CDH2: variants seen among roughly 807,000 people sequenced by gnomAD.
CDH2 encodes cadherin-2.
Under a neutral mutation model 92.0 loss-of-function variants are expected in CDH2, and 17 were observed. The ratio of observed to expected loss-of-function variants is 0.18; its 90% confidence interval spans 0.13 to 0.28. The LOEUF is 0.28. CDH2 is among the 10% of genes least tolerant of loss of function. The pLI is 1.00. For synonymous variants in CDH2, 419 were observed against 415.9 expected, an observed-to-expected ratio of 1.01 and a Z score of -0.09; for missense variants, 862 against 1,133.1, an observed-to-expected ratio of 0.76 and a Z score of 3.44.
chr18:28,149,022 A>C (rs1269706769), intron 1 of CDH2, among the ~76,000 whole-genome samples: 1 of 152,210 alleles, frequency 6.6e-6, no homozygotes, highest in East Asian at 1.9e-4. Flanking sequence ...TCGAATGAGT[A>C]AGCAGTTTTA....
Position 27,942,814 on chromosome 18 carries a change from G to T in CDH2, c.1152-9690C>A, listed in dbSNP as rs145200907. ...GGTAGGTAGGTCTTGTTTTGTGTAT[G>T]AACGAGATTGTCCATAGTGGCTGTG... On this transcript the variant is annotated intron_variant, in intron 6 of 6. Coordinates refer to the CDH2 transcript ENST00000675173. Among the ~76,000 whole-genome samples, 279 of 152,294 alleles carry T rather than the reference G, an allele frequency of 1.8e-3. 3 individuals are homozygous for T. Among genetic ancestry groups the T allele is most frequent in the African/African-American group, 6.2e-3 (257 of 41,554 alleles).
At chr18:28,024,888 A>C (rs2013508954) in intron 2 of CDH2, among the ~76,000 whole-genome samples, 1 of 152,136 alleles carries the variant, frequency 6.6e-6, no homozygotes. Flanking sequence ...AGAAAGAGTA[A>C]AAAGAAAAAG....
At chr18:28,110,739 C>T (rs1462546441) in intron 2 of CDH2, among the ~76,000 whole-genome samples, 1 of 152,044 alleles carries the variant, frequency 6.6e-6, no homozygotes, top group Admixed American at 6.6e-5. Context: ...TTATTTACTG[C>T]AACAAGAATT....
intron 7 of CDH2, among the ~76,000 whole-genome samples, chr18:27,996,087 A>G (rs1212331178): frequency 6.6e-6 from 1 of 152,090 alleles, no homozygotes; most frequent in African/African-American, 2.4e-5. Context: ...TCTATATGGA[A>G]TAAAATCCAA....
chr18:28,078,993 T>G (rs1240925332), intron 2 of CDH2, among the ~76,000 whole-genome samples: 1 of 152,202 alleles, frequency 6.6e-6, no homozygotes, highest in East Asian at 1.9e-4. Context: ...TTATCTTGTT[T>G]TACTAATGGG....
At chr18:28,110,558 A>T (rs1379190539) in intron 2 of CDH2, among the ~76,000 whole-genome samples, 2 of 152,182 alleles carry the variant, frequency 1.3e-5, no homozygotes, top group African/African-American at 4.8e-5. Flanking sequence ...TCTGTTCTGC[A>T]AGCTACTGGG....
intron 2 of CDH2, among the ~76,000 whole-genome samples, chr18:28,129,795 T>TC (rs1448506718): frequency 6.6e-6 from 1 of 152,152 alleles, no homozygotes; most frequent in African/African-American, 2.4e-5. Flanking sequence ...TACATTTATC[T>TC]CCAAAAATCA....
intron 2 of CDH2, among the ~76,000 whole-genome samples, chr18:28,117,280 T>C (rs2015510507): frequency 6.6e-6 from 1 of 152,100 alleles, no homozygotes; most frequent in Admixed American, 6.6e-5. Flanking sequence ...TGGCCAGACA[T>C]GTGATTGCAG....
At chr18:27,958,605 TTATATATG>T (rs1381576393) in intron 15 of CDH2, among the ~76,000 whole-genome samples, 2 of 151,050 alleles carry the variant, frequency 1.3e-5, no homozygotes, top group Non-Finnish European at 2.9e-5. Flanking sequence ...AAGTGTATAT[TTATATATG>T]TATATATGTG....
chr18:28,131,282 T>C (rs1438381184), intron 2 of CDH2, among the ~76,000 whole-genome samples: 1 of 152,162 alleles, frequency 6.6e-6, no homozygotes, highest in Non-Finnish European at 1.5e-5. Flanking sequence ...AAAAAAAAAT[T>C]ATCAGATAGT....
At chr18:27,953,687 G>T (rs1909574046) in intron 15 of CDH2, among the ~76,000 whole-genome samples, 1 of 152,094 alleles carries the variant, frequency 6.6e-6, no homozygotes, top group Non-Finnish European at 1.5e-5. Context: ...GTGGTTAAGA[G>T]ATCAGACTGT....
chr18:27,987,221 G>C (rs1021665375), intron 11 of CDH2, among the ~76,000 whole-genome samples: 2 of 152,088 alleles, frequency 1.3e-5, no homozygotes, highest in African/African-American at 4.8e-5. Flanking sequence ...ATTACTTTCA[G>C]TACCACTGTA....
intron 2 of CDH2, among the ~76,000 whole-genome samples, chr18:28,027,360 C>A (rs951061948): frequency 3.3e-5 from 5 of 151,992 alleles, no homozygotes; most frequent in Admixed American, 6.6e-5. Flanking sequence ...TATTTCCCTA[C>A]CAAAAAGTTT....
chr18:28,045,096 G>A (rs1417553633), intron 2 of CDH2, among the ~76,000 whole-genome samples: 6 of 152,082 alleles, frequency 3.9e-5, no homozygotes, highest in East Asian at 1.9e-4. Context: ...CTCCTACACC[G>A]CTCACCATCT....
intron 2 of CDH2, among the ~76,000 whole-genome samples, chr18:28,058,795 A>AT (rs1567982384): frequency 1.3e-5 from 2 of 151,868 alleles, no homozygotes; most frequent in Non-Finnish European, 2.9e-5. Context: ...AGACCCACTT[A>AT]TTTTCACTTC....
chr18:28,076,482 C>A (rs544273441), intron 2 of CDH2, among the ~76,000 whole-genome samples: 4 of 152,254 alleles, frequency 2.6e-5, no homozygotes, highest in Non-Finnish European at 2.9e-5. Flanking sequence ...GGTTTTAGCA[C>A]AGTGACTTGC....
intron 4 of CDH2, among the ~76,000 whole-genome samples, chr18:28,010,330 G>C (rs544396468): frequency 6.6e-6 from 1 of 152,296 alleles, no homozygotes; most frequent in African/African-American, 2.4e-5. Flanking sequence ...AGTTATGGTT[G>C]ACCCTGAATG....
chr18:28,022,771 T>A (rs192407382), intron 2 of CDH2, among the ~76,000 whole-genome samples: 1 of 152,182 alleles, frequency 6.6e-6, no homozygotes, highest in East Asian at 1.9e-4. Flanking sequence ...GTTTTAATAC[T>A]TTTTTTAGGT....
intron 4 of CDH2, among the ~76,000 whole-genome samples, chr18:28,010,886 G>A (rs748331011): frequency 6.6e-6 from 1 of 150,526 alleles, no homozygotes; most frequent in Non-Finnish European, 1.5e-5. Flanking sequence ...TCCTGACCTC[G>A]TGATCTGCCC....
Sources: allele counts gnomAD v4.1 joint callset (sites outside exome capture counted in the v4.1 genomes callset), GRCh38; gene constraint gnomAD v4.1.1; transcripts MANE v1.5; gene names NCBI Gene and HGNC (gene_info 2026-07-23, HGNC 2026-07-21).